TNR: variants seen among roughly 807,000 people sequenced by gnomAD.
The protein encoded by TNR is tenascin-R.
TNR carries 45 observed loss-of-function variants against 150.4 expected under a neutral mutation model. The ratio of observed to expected loss-of-function variants is 0.30; its 90% CI spans 0.24 to 0.38. The LOEUF is 0.38. Among genes scored for constraint, TNR ranks in the 10% least tolerant of loss-of-function variants. The pLI is 1.00. For synonymous variants in TNR, 687 were observed against 678.4 expected (o/e 1.01, Z -0.20); for missense variants, 1,544 against 1,759.1 (o/e 0.88, Z 2.19).
chr1:175,597,904 A>T (rs1663074554), intron 1 of TNR, among the ~76,000 whole-genome samples: 1 of 152,224 alleles, frequency 6.6e-6, no homozygotes, highest in African/African-American at 2.4e-5. Flanking sequence ...TCATCACTAG[A>T]GAACAGAGAA....
chr1:175,475,712 G>A (rs1401799103), intron 2 of TNR, among the ~76,000 whole-genome samples: 1 of 152,020 alleles, frequency 6.6e-6, no homozygotes, highest in East Asian at 1.9e-4. Context: ...CTTCAAGAAG[G>A]CAATTACTCT....
intron 1 of TNR, among the ~76,000 whole-genome samples, chr1:175,579,740 G>A (rs569179082): frequency 4.6e-5 from 7 of 151,814 alleles, no homozygotes; most frequent in African/African-American, 9.7e-5. Context: ...CAGGGGTTCC[G>A]TCCTTGGAAA....
intron 2 of TNR, among the ~76,000 whole-genome samples, chr1:175,422,155 T>G (rs1286492751): frequency 6.6e-6 from 1 of 152,238 alleles, no homozygotes; most frequent in Non-Finnish European, 1.5e-5. Flanking sequence ...TGTCAAGAGC[T>G]GTATGCAGTT....
intron 1 of TNR, among the ~76,000 whole-genome samples, chr1:175,643,549 T>C (rs565214186): frequency 6.6e-6 from 1 of 152,194 alleles, no homozygotes; most frequent in Non-Finnish European, 1.5e-5. Context: ...GACAAGACGC[T>C]GTTATTATTA....
At chr1:175,565,570 G>A (rs1661608538) in intron 1 of TNR, among the ~76,000 whole-genome samples, 1 of 152,148 alleles carries the variant, frequency 6.6e-6, no homozygotes, top group Non-Finnish European at 1.5e-5. Flanking sequence ...CAGGGAAATC[G>A]GAACACTTAT....
rs368198225 is a variant in TNR at position 175,469,161 on chromosome 1, T to C, written c.-64+59108A>G. Among the ~76,000 whole-genome samples, 12 of 152,090 alleles carry C rather than the reference T, an allele frequency of 7.9e-5. No homozygotes were observed. In the South Asian group the frequency reaches 1.2e-3, roughly 16 times the overall value. On this transcript the variant is annotated intron_variant, in intron 2 of 22. Coordinates refer to ENST00000367674, the MANE Select transcript of TNR (RefSeq NM_003285.3). The stretch of plus-strand genomic sequence containing the variant: ...TCTGACGGACCTACGAGGCTGCTGG[T>C]TGGAGATGATCAGAGAGTGTGGGGC...
intron 1 of TNR, among the ~76,000 whole-genome samples, chr1:175,547,209 G>T (rs1660725427): frequency 6.6e-6 from 1 of 152,144 alleles, no homozygotes; most frequent in Non-Finnish European, 1.5e-5. Flanking sequence ...GCTCATTCCA[G>T]CAGCTCAGAT....
intron 21 of TNR, 82 bp from the exon 22 acceptor site, chr1:175,324,601 C>A: frequency 6.6e-7 from 1 of 1,505,190 alleles, no homozygotes; most frequent in East Asian, 2.3e-5. Context: ...CCACTTCCAG[C>A]AAACCTGGCT....
At chr1:175,681,654 T>C (rs1180633967) in intron 1 of TNR, among the ~76,000 whole-genome samples, 1 of 152,176 alleles carries the variant, frequency 6.6e-6, no homozygotes, top group Non-Finnish European at 1.5e-5. Context: ...TAGGAAATGA[T>C]TTCCTCTGTA....
chr1:175,548,728 T>G (rs1456666415), intron 1 of TNR, among the ~76,000 whole-genome samples: 2 of 151,626 alleles, frequency 1.3e-5, no homozygotes, highest in Non-Finnish European at 2.9e-5. Flanking sequence ...ACAGTGAAGG[T>G]TAGAAGACAT....
intron 1 of TNR, among the ~76,000 whole-genome samples, chr1:175,707,352 G>A (rs182291430): frequency 4.6e-5 from 7 of 152,108 alleles, no homozygotes; most frequent in Non-Finnish European, 8.8e-5. Flanking sequence ...AAATTCTGCT[G>A]CTGGTATTAC....
At chr1:175,476,239 T>C (rs1471900081) in intron 2 of TNR, among the ~76,000 whole-genome samples, 1 of 152,176 alleles carries the variant, frequency 6.6e-6, no homozygotes, top group East Asian at 1.9e-4. Context: ...CAGGACAAGG[T>C]GATCTCAGGA....
intron 1 of TNR, among the ~76,000 whole-genome samples, chr1:175,558,275 TA>T (rs977358731): frequency 8.3e-5 from 12 of 144,584 alleles, no homozygotes; most frequent in East Asian, 2.0e-4. Context: ...AGTATAATAA[TA>T]AAAAAAAAAG....
intron 2 of TNR, among the ~76,000 whole-genome samples, chr1:175,421,041 C>T (rs185872578): frequency 2.6e-5 from 4 of 152,174 alleles, no homozygotes; most frequent in Admixed American, 2.6e-4. Flanking sequence ...GCTTTCTGGA[C>T]ACTTATAGTT....
chr1:175,692,683 A>G (rs6676099), intron 1 of TNR, among the ~76,000 whole-genome samples: 91,776 of 151,902 alleles, frequency 0.6, 28,673 homozygotes, highest in East Asian at 0.96. Context: ...GTCCACTAAC[A>G]GGGGAGAGGA....
chr1:175,460,247 T>C (rs1453610495), intron 2 of TNR, among the ~76,000 whole-genome samples: 1 of 152,058 alleles, frequency 6.6e-6, no homozygotes, highest in Non-Finnish European at 1.5e-5. Context: ...GTGCCCAAGG[T>C]AGAGTGACCA....
chr1:175,516,636 C>T (rs758195121), intron 2 of TNR, among the ~76,000 whole-genome samples: 1 of 152,160 alleles, frequency 6.6e-6, no homozygotes, highest in Non-Finnish European at 1.5e-5. Flanking sequence ...GAAACAGATC[C>T]AGGCAGACTG....
chr1:175,493,076 A>T (rs1157330299), intron 2 of TNR, among the ~76,000 whole-genome samples: 1 of 152,040 alleles, frequency 6.6e-6, no homozygotes, highest in African/African-American at 2.4e-5. Context: ...TCTCTGCTGT[A>T]CCCGTCAGAA....
chr1:175,443,616 A>C (rs75359615), intron 2 of TNR, among the ~76,000 whole-genome samples: 207 of 152,234 alleles, frequency 1.4e-3, no homozygotes, highest in African/African-American at 4.8e-3. Context: ...GCCCCAGTAC[A>C]TGTTTCAGTT....
Sources: allele counts gnomAD v4.1 joint callset (sites outside exome capture counted in the v4.1 genomes callset), GRCh38; gene constraint gnomAD v4.1.1; transcripts MANE v1.5; gene names NCBI Gene and HGNC (gene_info 2026-07-23, HGNC 2026-07-21).